Variants in CCDC179 observed in about 807,000 individuals in gnomAD.
CCDC179 encodes the protein coiled-coil domain containing 179.
Under a neutral mutation model 12.0 loss-of-function variants are expected in CCDC179, and 17 were observed. That is an observed-to-expected ratio of 1.42 (90% CI 0.97 to 2.13). The LOEUF (loss-of-function observed/expected upper bound fraction) is 2.13, where lower values mean the gene tolerates loss of function less well. Ranked by LOEUF, CCDC179 falls within the 30% of genes most tolerant of loss-of-function variation. The pLI is 0.00. For missense variants in CCDC179, 83 were observed against 78.6 expected, an observed-to-expected ratio of 1.06 and a Z score of -0.21; for synonymous variants, 27 against 26.4, an observed-to-expected ratio of 1.02 and a Z score of -0.07.
intron 3 of CCDC179, among the ~76,000 whole-genome samples, chr11:22,851,283 T>A (rs1185372573): frequency 6.6e-6 from 1 of 151,746 alleles, no homozygotes; most frequent in South Asian, 2.1e-4. Context: ...CAAAAACAAA[T>A]GGTAAACAAA....
At chr11:22,852,289 C>G (rs952499287) in intron 3 of CCDC179, among the ~76,000 whole-genome samples, 2 of 152,188 alleles carry the variant, frequency 1.3e-5, no homozygotes, top group Admixed American at 1.3e-4. Flanking sequence ...ACAAAGCTAA[C>G]TATAGGAGAA....
intron 3 of CCDC179, among the ~76,000 whole-genome samples, chr11:22,852,490 A>G (rs985334370): frequency 2.0e-5 from 3 of 152,212 alleles, no homozygotes; most frequent in Admixed American, 2.0e-4. Flanking sequence ...TATTGTAGAA[A>G]CTAGGATTGA....
At chr11:22,850,955 T>C (rs1858366466) in intron 3 of CCDC179, among the ~76,000 whole-genome samples, 1 of 9,254 alleles carries the variant, frequency 1.1e-4, no homozygotes. Flanking sequence ...TATATATATA[T>C]ATATATATAT....
At chr11:22,858,410 G>A (rs549325123) in intron 2 of CCDC179, among the ~76,000 whole-genome samples, 1 of 151,992 alleles carries the variant, frequency 6.6e-6, no homozygotes, top group South Asian at 2.1e-4. Flanking sequence ...TTGAAATGTT[G>A]CATGACACAC....
intron 1 of CCDC179, among the ~76,000 whole-genome samples, 163 bp downstream of exon 1, chr11:22,860,214 C>T (rs760562419): frequency 1.3e-5 from 2 of 152,186 alleles, no homozygotes; most frequent in Non-Finnish European, 2.9e-5. Context: ...AGGGGTCCAG[C>T]AGTCAGGATG....
At chr11:22,850,215 A>G (rs1160240189) in intron 3 of CCDC179, among the ~76,000 whole-genome samples, 1 of 152,164 alleles carries the variant, frequency 6.6e-6, no homozygotes, top group Non-Finnish European at 1.5e-5. Context: ...TCGATTTTAT[A>G]GGCTGCCCTT....
At chr11:22,853,592 A>G (rs1348913380) in intron 3 of CCDC179, among the ~76,000 whole-genome samples, 1 of 152,008 alleles carries the variant, frequency 6.6e-6, no homozygotes, top group Non-Finnish European at 1.5e-5. Flanking sequence ...GTATAAAAAT[A>G]TAGAATACAT....
intron 3 of CCDC179, among the ~76,000 whole-genome samples, chr11:22,852,290 T>C (rs1186243302): frequency 1.3e-5 from 2 of 152,180 alleles, no homozygotes; most frequent in Non-Finnish European, 2.9e-5. Flanking sequence ...CAAAGCTAAC[T>C]ATAGGAGAAA....
intron 3 of CCDC179, among the ~76,000 whole-genome samples, chr11:22,855,273 T>C (rs537944704): frequency 4.6e-5 from 7 of 151,710 alleles, no homozygotes; most frequent in African/African-American, 1.7e-4. Context: ...ACATGGAACA[T>C]TCACCAAGAC....
At chr11:22,859,551 T>C (rs1858613830) in intron 1 of CCDC179, 55 bp from the exon 2 acceptor site, 1 of 1,049,342 alleles carries the variant, frequency 9.5e-7, no homozygotes, top group Non-Finnish European at 1.3e-6. Context: ...TTAAAAACAG[T>C]AAATTAATTA....
chr11:22,858,134 A>G (rs542458212), intron 2 of CCDC179, 108 bp from the exon 3 acceptor site: 3 of 591,270 alleles, frequency 5.1e-6, no homozygotes, highest in South Asian at 2.5e-5. Flanking sequence ...AAACACCACC[A>G]CTGCAAACGG....
At chr11:22,847,553 A>C in intron 3 of CCDC179, 32 bp from the exon 4 acceptor site, 2 of 1,191,044 alleles carry the variant, frequency 1.7e-6, no homozygotes, top group Non-Finnish European at 2.3e-6. Context: ...AAAGAATAAG[A>C]AATTTAATTA....
intron 3 of CCDC179, among the ~76,000 whole-genome samples, chr11:22,850,072 A>G (rs896502370): frequency 6.6e-6 from 1 of 152,172 alleles, no homozygotes; most frequent in Non-Finnish European, 1.5e-5. Flanking sequence ...TAATCTTCTT[A>G]TGCAGATGAA....
At chr11:22,850,955 TA>T (rs1858366846) in intron 3 of CCDC179, among the ~76,000 whole-genome samples, 2 of 9,254 alleles carry the variant, frequency 2.2e-4, no homozygotes, top group Non-Finnish European at 4.6e-4. Context: ...TATATATATA[TA>T]TATATATATA....
chr11:22,854,339 A>C (rs1447562794), intron 3 of CCDC179, among the ~76,000 whole-genome samples: 1 of 151,866 alleles, frequency 6.6e-6, no homozygotes, highest in Non-Finnish European at 1.5e-5. Context: ...AGAAATAATA[A>C]TTTGTTCAAA....
rs187666239 is a variant in CCDC179 at position 22,859,550 on chromosome 11, G to T, written c.46-54C>A. On this transcript the variant is annotated intron_variant, in intron 1 of 3. Transcript: ENST00000532798. ...TCACACAAAAAAGTCATTAAAAACAGTAAATTAATTATTATAATAGGAAGC... is the reference window on the plus strand; with the variant it reads ...TCACACAAAAAAGTCATTAAAAACATTAAATTAATTATTATAATAGGAAGC... 347 of 1,076,778 alleles carry T rather than the reference G, an allele frequency of 3.2e-4. 1 individual carries two copies. The African/African-American group carries it at 4.9e-3, about 15-fold the overall frequency. The allele number at this position is 1,076,778 out of a possible 1,614,324, so 66.7% of individuals were successfully genotyped here.
chr11:22,860,358 T>C lies in CCDC179; in HGVS notation c.45+19A>G. ...GGACAGAGTGGCAGAGTTGAGGTTG[T>C]AGGCCCCAGCAGACTCACAGGGTTG... On this transcript the variant is annotated intron_variant, in intron 1 of 3. Transcript: ENST00000532798. The C allele has an allele frequency of 1.3e-6, 2 of 1,535,306 alleles. No homozygotes were observed. The highest frequency in any genetic ancestry group is 1.7e-6 in the Non-Finnish European group (2 of 1,146,472).
At chr11:22,847,670 A>G in intron 3 of CCDC179, 149 bp from the exon 4 acceptor site, 1 of 409,698 alleles carries the variant, frequency 2.4e-6, no homozygotes, top group Non-Finnish European at 4.2e-6. Context: ...ATTAATAGCT[A>G]GGAATGCTAT....
chr11:22,848,422 C>T (rs1289215231), intron 3 of CCDC179, among the ~76,000 whole-genome samples: 2 of 151,198 alleles, frequency 1.3e-5, no homozygotes, highest in Non-Finnish European at 2.9e-5. Context: ...CCAGCCTGGC[C>T]GACAGAGGGA....
Sources: allele counts gnomAD v4.1 joint callset (sites outside exome capture counted in the v4.1 genomes callset), GRCh38; gene constraint gnomAD v4.1.1; transcripts MANE v1.5; gene names NCBI Gene and HGNC (gene_info 2026-07-23, HGNC 2026-07-21).